The following ZCWPW2 variants were observed in gnomAD, a reference collection of about 807,000 sequenced individuals.
ZCWPW2 encodes zinc finger CW-type PWWP domain protein 2.
A neutral mutation model predicts 46.6 loss-of-function variants in ZCWPW2; 45 were observed. The observed-to-expected ratio is 0.96, with a 90% confidence interval of 0.76 to 1.24. The LOEUF (loss-of-function observed/expected upper bound fraction) is 1.24, where lower values mean the gene tolerates loss of function less well. Among genes scored for constraint, ZCWPW2 ranks in the 50% most tolerant of loss-of-function variants. The pLI is 0.00. For missense variants in ZCWPW2, 429 were observed against 403.9 expected (o/e 1.06, Z -0.53); for synonymous variants, 152 against 137.1 (o/e 1.11, Z -0.76).
intron 1 of ZCWPW2, among the ~76,000 whole-genome samples, chr3:28,356,815 G>A (rs189085630): frequency 6.6e-6 from 1 of 152,214 alleles, no homozygotes; most frequent in East Asian, 1.9e-4. Flanking sequence ...GAGAACACTT[G>A]GACACAGGGT....
chr3:28,427,364 G>T (rs1416775996), intron 3 of ZCWPW2, among the ~76,000 whole-genome samples: 3 of 152,182 alleles, frequency 2.0e-5, no homozygotes, highest in African/African-American at 7.2e-5. Flanking sequence ...TAGGAGATGA[G>T]GAGAAGTAAT....
intron 1 of ZCWPW2, among the ~76,000 whole-genome samples, chr3:28,388,186 C>T (rs898527604): frequency 2.0e-5 from 3 of 152,124 alleles, no homozygotes; most frequent in African/African-American, 7.2e-5. Flanking sequence ...GGAAGACAAC[C>T]TGCTTGACTC....
At chr3:28,454,071 C>G (rs555704677) in intron 4 of ZCWPW2, among the ~76,000 whole-genome samples, 1 of 151,968 alleles carries the variant, frequency 6.6e-6, no homozygotes, top group African/African-American at 2.4e-5. Flanking sequence ...GTCTCGATCT[C>G]CTGACCTCGT....
At chr3:28,470,092 A>G (rs1698981560) in intron 4 of ZCWPW2, among the ~76,000 whole-genome samples, 3 of 152,224 alleles carry the variant, frequency 2.0e-5, no homozygotes, top group African/African-American at 4.8e-5. Context: ...TCTTACTACA[A>G]TGCAATAAAA....
At chr3:28,436,651 G>T (rs1225714526) in intron 4 of ZCWPW2, among the ~76,000 whole-genome samples, 3 of 152,018 alleles carry the variant, frequency 2.0e-5, no homozygotes, top group African/African-American at 7.3e-5. Flanking sequence ...ATACTATTCA[G>T]TTTGAAGCAG....
At chr3:28,448,342 A>G (rs1479269000) in intron 4 of ZCWPW2, among the ~76,000 whole-genome samples, 1 of 152,204 alleles carries the variant, frequency 6.6e-6, no homozygotes, top group Non-Finnish European at 1.5e-5. Flanking sequence ...TTACAATGGC[A>G]TCAAAAAGAA....
chr3:28,498,356 C>T (rs1700052477), intron 6 of ZCWPW2, among the ~76,000 whole-genome samples: 3 of 151,636 alleles, frequency 2.0e-5, no homozygotes, highest in Admixed American at 6.6e-5. Flanking sequence ...TCTGCTACTT[C>T]GTTGTTGTGT....
At chr3:28,493,495 C>A (rs1699896903) in intron 6 of ZCWPW2, among the ~76,000 whole-genome samples, 1 of 119,444 alleles carries the variant, frequency 8.4e-6, no homozygotes, top group Non-Finnish European at 1.8e-5. Flanking sequence ...TTTTTTATGG[C>A]TGCATAGTAT....
At chr3:28,404,268 T>C (rs1696068134) in intron 2 of ZCWPW2, among the ~76,000 whole-genome samples, 1 of 149,988 alleles carries the variant, frequency 6.7e-6, no homozygotes. Context: ...CCAACAAACA[T>C]ACGAAAAAAT....
At chr3:28,433,764 AAAAAAC>A (rs569396962) in intron 3 of ZCWPW2, among the ~76,000 whole-genome samples, 259 of 95,958 alleles carry the variant, frequency 2.7e-3, no homozygotes, top group Non-Finnish European at 4.5e-3. Context: ...TTAAAAAAAA[AAAAAAC>A]AAAAAACAAA....
At chr3:28,471,181 G>A (rs1350271488) in intron 4 of ZCWPW2, among the ~76,000 whole-genome samples, 1 of 152,096 alleles carries the variant, frequency 6.6e-6, no homozygotes, top group Non-Finnish European at 1.5e-5. Context: ...AACGTTTAAA[G>A]AATAGCTAAT....
chr3:28,422,519 G>A (rs947531953), intron 3 of ZCWPW2, among the ~76,000 whole-genome samples: 3 of 151,946 alleles, frequency 2.0e-5, no homozygotes, highest in Admixed American at 6.6e-5. Flanking sequence ...ATGCATTTAC[G>A]TCTCTTCCAT....
intron 4 of ZCWPW2, among the ~76,000 whole-genome samples, chr3:28,477,156 T>C (rs1005868668): frequency 6.6e-6 from 1 of 152,228 alleles, no homozygotes. Flanking sequence ...AACATTTGAC[T>C]TGCAGAAATG....
chr3:28,392,252 C>A (rs1575081823), intron 2 of ZCWPW2, among the ~76,000 whole-genome samples: 1 of 152,252 alleles, frequency 6.6e-6, no homozygotes, highest in Non-Finnish European at 1.5e-5. Flanking sequence ...AGAGTCAGTT[C>A]ATCAAGAAGA....
chr3:28,477,023 C>T (rs1699260100), intron 4 of ZCWPW2, among the ~76,000 whole-genome samples: 3 of 152,104 alleles, frequency 2.0e-5, no homozygotes, highest in Admixed American at 2.0e-4. Context: ...GTCTGACCCC[C>T]TGCTTTAGGG....
chr3:28,382,512 CAT>C (rs1328249356), intron 1 of ZCWPW2, among the ~76,000 whole-genome samples: 2 of 152,276 alleles, frequency 1.3e-5, no homozygotes, highest in East Asian at 3.9e-4. Context: ...AGAACTTTAA[CAT>C]GTGAATTTTT....
intron 1 of ZCWPW2, among the ~76,000 whole-genome samples, chr3:28,362,395 G>A (rs549036640): frequency 1.6e-4 from 24 of 151,958 alleles, no homozygotes; most frequent in Non-Finnish European, 3.2e-4. Context: ...CAAAAAACAA[G>A]CCCATTAAAA....
rs139563668 is a variant in ZCWPW2, at chr3:28,435,738, G to A, written c.492+469G>A. Among the ~76,000 whole-genome samples, 436 of 152,068 alleles carry A rather than the reference G, an allele frequency of 2.9e-3. 1 individual carries two copies. Among genetic ancestry groups the A allele is most frequent in the African/African-American group, 9.6e-3 (398 of 41,504 alleles). ...CCTGACCTTGTGATCAGCCCGCCCC[G>A]GCCTCCGAAAGTGCTGGGATTACAG... On this transcript the variant is annotated intron_variant, in intron 4 of 9. Transcript: ENST00000383768.
intron 4 of ZCWPW2, among the ~76,000 whole-genome samples, chr3:28,435,766 G>A (rs977464468): frequency 6.6e-6 from 1 of 152,052 alleles, no homozygotes; most frequent in Non-Finnish European, 1.5e-5. Context: ...GATTACAGGC[G>A]TGAGCCACTG....
Sources: allele counts gnomAD v4.1 joint callset (sites outside exome capture counted in the v4.1 genomes callset), GRCh38; gene constraint gnomAD v4.1.1; transcripts MANE v1.5; gene names NCBI Gene and HGNC (gene_info 2026-07-23, HGNC 2026-07-21).